The following WDR7 variants were observed in gnomAD, a reference collection of about 807,000 sequenced individuals.
The protein encoded by WDR7 is WD repeat domain 7.
A neutral mutation model predicts 169.4 loss-of-function variants in WDR7; 46 were observed. That is an observed-to-expected ratio of 0.27 (90% CI 0.21 to 0.35). WDR7 has a LOEUF of 0.35. WDR7 is among the 10% of genes least tolerant of loss of function. The probability of loss-of-function intolerance (pLI) is 1.00; values close to 1 mark genes in which losing one functional copy is unlikely to be tolerated. For missense variants in WDR7, 1,534 were observed against 1,859.3 expected, an observed-to-expected ratio of 0.83 and a Z score of 3.22; for synonymous variants, 612 against 666.8, an observed-to-expected ratio of 0.92 and a Z score of 1.27.
At chr18:57,009,359 G>A (rs1191415680) in intron 26 of WDR7, among the ~76,000 whole-genome samples, 1 of 152,104 alleles carries the variant, frequency 6.6e-6, no homozygotes, top group East Asian at 1.9e-4. Context: ...TCTCTAAGAA[G>A]TCACCATCAT....
chr18:56,810,925 A>G (rs1447742156), intron 19 of WDR7, among the ~76,000 whole-genome samples: 1 of 152,074 alleles, frequency 6.6e-6, no homozygotes, highest in African/African-American at 2.4e-5. Context: ...CTCAGCCCCC[A>G]TTAGCATTAC....
At chr18:57,008,776 G>A (rs941372693) in intron 26 of WDR7, among the ~76,000 whole-genome samples, 2 of 152,116 alleles carry the variant, frequency 1.3e-5, no homozygotes, top group African/African-American at 4.8e-5. Context: ...GTCGCTTACT[G>A]TCAACCTGTT....
At chr18:56,902,438 G>A (rs1027121728) in intron 21 of WDR7, among the ~76,000 whole-genome samples, 2 of 152,138 alleles carry the variant, frequency 1.3e-5, no homozygotes, top group African/African-American at 4.8e-5. Flanking sequence ...TTAAATGCTA[G>A]ACAAAGATTG....
chr18:56,875,086 G>A (rs1481388466), intron 20 of WDR7, among the ~76,000 whole-genome samples: 2 of 152,122 alleles, frequency 1.3e-5, no homozygotes, highest in East Asian at 3.9e-4. Context: ...CTAAACAATG[G>A]AATTTAAAGT....
At chr18:56,845,008 G>A (rs1279174309) in intron 20 of WDR7, among the ~76,000 whole-genome samples, 2 of 152,092 alleles carry the variant, frequency 1.3e-5, no homozygotes, top group African/African-American at 4.8e-5. Flanking sequence ...TCATATGTAT[G>A]TATAGGGAAA....
chr18:56,834,503 T>C (rs1183191215), intron 20 of WDR7, among the ~76,000 whole-genome samples: 1 of 152,010 alleles, frequency 6.6e-6, no homozygotes, highest in Admixed American at 6.6e-5. Context: ...ATCTCCCTCC[T>C]TGTCTTCTCT....
At chr18:56,927,261 G>A (rs1001408884) in intron 22 of WDR7, among the ~76,000 whole-genome samples, 4 of 152,064 alleles carry the variant, frequency 2.6e-5, no homozygotes, top group Non-Finnish European at 5.9e-5. Context: ...ATCTCCTGCT[G>A]AGCTGACTCC....
At chr18:56,705,873 C>T (rs2025939838) in intron 12 of WDR7, among the ~76,000 whole-genome samples, 1 of 152,158 alleles carries the variant, frequency 6.6e-6, no homozygotes, top group South Asian at 2.1e-4. Flanking sequence ...TGGCGCGTGC[C>T]TATAGTCCCA....
At chr18:56,926,318 G>A (rs2046807506) in intron 22 of WDR7, among the ~76,000 whole-genome samples, 1 of 152,188 alleles carries the variant, frequency 6.6e-6, no homozygotes, top group Admixed American at 6.5e-5. Context: ...CACATCAACA[G>A]TGTTGGCTTC....
intron 14 of WDR7, among the ~76,000 whole-genome samples, chr18:56,732,522 C>T (rs1391871443): frequency 2.0e-5 from 3 of 152,096 alleles, no homozygotes; most frequent in East Asian, 1.9e-4. Flanking sequence ...ACCATGAGTT[C>T]GTGCGTGCTG....
intron 13 of WDR7, among the ~76,000 whole-genome samples, chr18:56,727,743 T>A (rs755633319): frequency 1.6e-4 from 25 of 152,320 alleles, no homozygotes; most frequent in Admixed American, 3.3e-4. Flanking sequence ...TTATTCTTTT[T>A]GGCTTGTGTT....
At chr18:56,668,394 A>C (rs1055841266) in intron 1 of WDR7, among the ~76,000 whole-genome samples, 4 of 152,148 alleles carry the variant, frequency 2.6e-5, no homozygotes, top group African/African-American at 4.8e-5. Context: ...TCTTCTAGGA[A>C]TCCTTCCTGG....
chr18:56,841,514 C>T (rs1397336026), intron 20 of WDR7, among the ~76,000 whole-genome samples: 2 of 150,510 alleles, frequency 1.3e-5, no homozygotes, highest in Non-Finnish European at 2.9e-5. Context: ...CCACTGCACT[C>T]CAGCCTGGAC....
At chr18:56,805,731 G>C (rs568919118) in intron 19 of WDR7, among the ~76,000 whole-genome samples, 1 of 151,816 alleles carries the variant, frequency 6.6e-6, no homozygotes, top group African/African-American at 2.4e-5. Context: ...ACTTGCCCTA[G>C]CAACCTTGTA....
chr18:57,021,017 G>C (rs1390553609), intron 27 of WDR7, among the ~76,000 whole-genome samples, 168 bp downstream of exon 27: 1 of 152,216 alleles, frequency 6.6e-6, no homozygotes, highest in East Asian at 1.9e-4. Context: ...GCACTAGCAT[G>C]CAGGGTGCTG....
At chr18:56,945,627 T>A (rs998329203) in intron 25 of WDR7, among the ~76,000 whole-genome samples, 1 of 152,144 alleles carries the variant, frequency 6.6e-6, no homozygotes, top group African/African-American at 2.4e-5. Flanking sequence ...GCAGAGTACT[T>A]GCTCCCTGTC....
At chr18:56,913,096 T>C (rs1339993415) in intron 21 of WDR7, among the ~76,000 whole-genome samples, 7 of 151,978 alleles carry the variant, frequency 4.6e-5, no homozygotes, top group African/African-American at 1.7e-4. Context: ...CTGGTCTTGA[T>C]TGCCTGAGCT....
At chr18:56,659,511 A>C (rs2024858849) in intron 1 of WDR7, among the ~76,000 whole-genome samples, 1 of 152,244 alleles carries the variant, frequency 6.6e-6, no homozygotes, top group Non-Finnish European at 1.5e-5. Flanking sequence ...TAAATAAATA[A>C]AACATATGGT....
intron 21 of WDR7, among the ~76,000 whole-genome samples, chr18:56,880,621 G>A (rs1160960629): frequency 6.6e-6 from 1 of 151,986 alleles, no homozygotes; most frequent in African/African-American, 2.4e-5. Flanking sequence ...TTAAATTAAT[G>A]GGCATATTAA....
Sources: allele counts gnomAD v4.1 joint callset (sites outside exome capture counted in the v4.1 genomes callset), GRCh38; gene constraint gnomAD v4.1.1; transcripts MANE v1.5; gene names NCBI Gene and HGNC (gene_info 2026-07-23, HGNC 2026-07-21).